Variants in TSPAN15 observed in about 807,000 individuals in gnomAD.
TSPAN15 encodes the protein tetraspanin-15.
A neutral mutation model predicts 34.5 loss-of-function variants in TSPAN15; 20 were observed. That is an observed-to-expected ratio of 0.58 (90% CI 0.41 to 0.84). The LOEUF is 0.84. Ranked by LOEUF, TSPAN15 falls within the 40% of genes least tolerant of loss-of-function variation. The pLI is 0.00. For missense variants in TSPAN15, 313 were observed against 386.1 expected (o/e 0.81, Z 1.59); for synonymous variants, 155 against 153.9 (o/e 1.01, Z -0.05).
chr10:69,491,530 T>TTG (rs113056520), intron 3 of TSPAN15, among the ~76,000 whole-genome samples: 5 of 151,508 alleles, frequency 3.3e-5, no homozygotes, highest in African/African-American at 1.2e-4. Flanking sequence ...GCCTGGATAA[T>TTG]TGTGTGTGTT....
At chr10:69,519,283 G>T in the TSPAN15 span, among the ~76,000 whole-genome samples, 2 of 152,118 alleles carry the variant, frequency 1.3e-5, no homozygotes, top group African/African-American at 4.8e-5. Flanking sequence ...ATCTGGCCGT[G>T]GTGGGGTGCT....
chr10:69,507,962 A>T (rs5030927), downstream of TSPAN15, among the ~76,000 whole-genome samples: 1 of 152,084 alleles, frequency 6.6e-6, no homozygotes, highest in African/African-American at 2.4e-5. Context: ...CCACAGGTCC[A>T]CCTACCGCGC....
the TSPAN15 span, among the ~76,000 whole-genome samples, chr10:69,534,098 A>G: frequency 6.6e-6 from 1 of 152,234 alleles, no homozygotes; most frequent in Non-Finnish European, 1.5e-5. Context: ...GTTAGAAGTG[A>G]AAGAAAATTG....
the TSPAN15 span, among the ~76,000 whole-genome samples, chr10:69,541,889 G>T: frequency 6.6e-6 from 1 of 152,210 alleles, no homozygotes; most frequent in Non-Finnish European, 1.5e-5. Flanking sequence ...GGCCTCTGAT[G>T]GGAGGGGCTG....
At chr10:69,538,165 G>A in the TSPAN15 span, among the ~76,000 whole-genome samples, 2 of 152,182 alleles carry the variant, frequency 1.3e-5, no homozygotes, top group Non-Finnish European at 2.9e-5. Context: ...CACAGTGAGT[G>A]TTAGAGCTTC....
chr10:69,504,589 T>C (rs894527864), intron 6 of TSPAN15, 104 bp downstream of exon 6: 5 of 1,192,054 alleles, frequency 4.2e-6, no homozygotes, highest in Non-Finnish European at 6.2e-6. Flanking sequence ...CACTGAGATT[T>C]TCCCACATTC....
the TSPAN15 span, among the ~76,000 whole-genome samples, chr10:69,532,336 A>G: frequency 6.6e-6 from 1 of 152,256 alleles, no homozygotes; most frequent in Non-Finnish European, 1.5e-5. Context: ...ATAGGCACAT[A>G]GGCCAATGGA....
chr10:69,483,995 G>A, intron 2 of TSPAN15, 119 bp downstream of exon 2: 1 of 1,112,974 alleles, frequency 9.0e-7, no homozygotes, highest in Non-Finnish European at 1.3e-6. Context: ...CCTTTAGAGA[G>A]CTCCTTAGAT....
At chr10:69,538,649 C>G in the TSPAN15 span, among the ~76,000 whole-genome samples, 1 of 152,218 alleles carries the variant, frequency 6.6e-6, no homozygotes, top group Non-Finnish European at 1.5e-5. Flanking sequence ...TGAGGTCACT[C>G]ATGACCATCA....
Position 69,482,879 on chromosome 10 carries a change from G to GTACCAGACTGAATGGCTTAAACAA in TSPAN15, c.97-809_97-786dup, listed in dbSNP as rs1388908000. ...TCTGCTAGGGCTGCCATAACATCAA[G>GTACCAGACTGAATGGCTTAAACAA]TACCAGACTGAATGGCTTAAACAAT... On this transcript the variant is annotated intron_variant, in intron 1 of 7. Transcript: ENST00000373290. 3.9e-5 allele frequency among the ~76,000 whole-genome samples: 6 copies of GTACCAGACTGAATGGCTTAAACAA among 152,188 alleles called. No homozygotes were observed. In the South Asian group the frequency reaches 1.2e-3, roughly 32 times the overall value.
the TSPAN15 span, among the ~76,000 whole-genome samples, chr10:69,529,578 T>A: frequency 3.4e-5 from 5 of 147,942 alleles, 1 homozygote; most frequent in African/African-American, 4.9e-5. Flanking sequence ...GAAGTTTACC[T>A]TCTACTCACA....
At chr10:69,536,598 G>C in the TSPAN15 span, among the ~76,000 whole-genome samples, 28,770 of 152,068 alleles carry the variant, frequency 0.19, 2,989 homozygotes, top group East Asian at 0.29. Flanking sequence ...GGTTTCTCCT[G>C]AGGTCTCTCT....
At chr10:69,529,192 T>C in the TSPAN15 span, among the ~76,000 whole-genome samples, 13 of 148,018 alleles carry the variant, frequency 8.8e-5, no homozygotes, top group African/African-American at 3.2e-4. Context: ...CAGTGATGCC[T>C]GAGTCTGCAG....
intron 1 of TSPAN15, among the ~76,000 whole-genome samples, chr10:69,466,194 G>A (rs1841380332): frequency 6.6e-6 from 1 of 152,244 alleles, no homozygotes. Flanking sequence ...GCCAGGGCGT[G>A]AGAAGTCTTG....
chr10:69,537,673 A>G, the TSPAN15 span, among the ~76,000 whole-genome samples: 12 of 152,210 alleles, frequency 7.9e-5, no homozygotes, highest in East Asian at 5.8e-4. Context: ...TACATCTACA[A>G]TGACCCTATT....
intron 1 of TSPAN15, among the ~76,000 whole-genome samples, chr10:69,473,019 C>T (rs1841537912): frequency 6.6e-6 from 1 of 152,188 alleles, no homozygotes. Flanking sequence ...ACCCGGAATT[C>T]CCTGTCCAAA....
chr10:69,518,202 A>G, the TSPAN15 span, among the ~76,000 whole-genome samples: 7 of 152,248 alleles, frequency 4.6e-5, no homozygotes, highest in Non-Finnish European at 1.0e-4. Context: ...GCAGATCTGA[A>G]AATGTAAAAA....
chr10:69,524,311 T>G, the TSPAN15 span, among the ~76,000 whole-genome samples: 21 of 146,308 alleles, frequency 1.4e-4, 1 homozygote, highest in African/African-American at 4.7e-4. Flanking sequence ...CTACTAACAA[T>G]ACAAAAATTA....
chr10:69,455,968 T>C (rs1396061337), intron 1 of TSPAN15, among the ~76,000 whole-genome samples: 1 of 152,166 alleles, frequency 6.6e-6, no homozygotes, highest in Non-Finnish European at 1.5e-5. Context: ...TATCTAGCAG[T>C]ATAGAATAGC....
Sources: allele counts gnomAD v4.1 joint callset (sites outside exome capture counted in the v4.1 genomes callset), GRCh38; gene constraint gnomAD v4.1.1; transcripts MANE v1.5; gene names NCBI Gene and HGNC (gene_info 2026-07-23, HGNC 2026-07-21).